The following USP24 variants were observed in gnomAD, a reference collection of about 807,000 sequenced individuals.
The protein encoded by USP24 is ubiquitin specific peptidase 24.
Under a neutral mutation model 361.6 loss-of-function variants are expected in USP24, and 97 were observed. The observed-to-expected ratio is 0.27, with a 90% confidence interval of 0.23 to 0.32. The LOEUF (loss-of-function observed/expected upper bound fraction) is 0.32. Among genes scored for constraint, USP24 ranks in the 10% least tolerant of loss-of-function variants. The pLI is 1.00. For synonymous variants in USP24, 1,098 were observed against 1,124.6 expected, an observed-to-expected ratio of 0.98 and a Z score of 0.47; for missense variants, 2,353 against 3,165.6, an observed-to-expected ratio of 0.74 and a Z score of 6.16.
At chr1:55,139,665 A>G (rs1646833865) in intron 24 of USP24, among the ~76,000 whole-genome samples, 1 of 152,214 alleles carries the variant, frequency 6.6e-6, no homozygotes, top group Non-Finnish European at 1.5e-5. Context: ...AACATTTTCT[A>G]TTCCAGAGAG....
chr1:55,132,948 G>GC (rs1463372694), intron 30 of USP24, among the ~76,000 whole-genome samples: 3 of 152,120 alleles, frequency 2.0e-5, no homozygotes, highest in Non-Finnish European at 2.9e-5. Flanking sequence ...TGTATTCTAA[G>GC]CAACACCTGA....
chr1:55,129,524 G>C lies in USP24; in HGVS notation c.3588C>G (p.Ser1196Arg). Residue 1196 changes from serine to arginine, a missense_variant, in exon 32 of 68, where the codon AGC (serine) becomes AGG (arginine). This residue lies in a region of USP24 where 949 missense variants were observed against 1,280.5 expected (regional missense o/e 0.74). Transcript: ENST00000294383. ...AGTTTTCACAGAAGGATTTGGCACA[G>C]CTTCTGGCCATGTCATCATCAGCTG... ...MPTADDDMAR[S>R]CAKSFCENFL... is the part of the protein sequence containing the mutation. 1 of 1,613,912 alleles carries C rather than the reference G, an allele frequency of 6.2e-7. No homozygotes were observed. The highest frequency in any genetic ancestry group is 1.1e-5 in the South Asian group (1 of 91,070).
intron 12 of USP24, 138 bp from the exon 13 acceptor site, chr1:55,154,916 A>G: frequency 3.3e-6 from 2 of 614,142 alleles, no homozygotes; most frequent in Non-Finnish European, 5.8e-6. Context: ...ATCCACTTGC[A>G]TAATATTGGC....
chr1:55,167,044 T>G (rs1296912900), intron 5 of USP24, among the ~76,000 whole-genome samples: 2 of 152,192 alleles, frequency 1.3e-5, no homozygotes, highest in Non-Finnish European at 2.9e-5. Context: ...CTTTTTCTTT[T>G]CTTTTTGAGC....
intron 61 of USP24, among the ~76,000 whole-genome samples, chr1:55,078,248 C>T (rs1319468029): frequency 1.3e-5 from 2 of 152,208 alleles, no homozygotes; most frequent in Non-Finnish European, 2.9e-5. Context: ...GTGATGACCA[C>T]AGTAGACTCT....
chr1:55,070,194 G>A (rs1054467044), intron 67 of USP24, among the ~76,000 whole-genome samples: 1 of 152,042 alleles, frequency 6.6e-6, no homozygotes, highest in Admixed American at 6.6e-5. Context: ...AGGGAGGAGG[G>A]GCTGGGCACA....
At chr1:55,070,450 G>T (rs1644898634) in intron 67 of USP24, among the ~76,000 whole-genome samples, 1 of 152,204 alleles carries the variant, frequency 6.6e-6, no homozygotes, top group Admixed American at 6.5e-5. Context: ...GAAAGCCCTG[G>T]AATAGTGTTT....
In USP24 at chr1:55,121,272, G is replaced by A. The variant is rs180792199; in HGVS notation, c.4347+164C>T. Among the ~76,000 whole-genome samples, 344 of 152,328 alleles carry A rather than the reference G, an allele frequency of 2.3e-3. 2 individuals carry two copies. The highest frequency in any genetic ancestry group is 3.6e-3 in the Non-Finnish European group (248 of 68,022). On this transcript the variant is annotated intron_variant, in intron 37 of 67. Transcript: ENST00000294383. Reference sequence around the variant, plus strand: ...GGAGGTAGTAGAAGGAAAGGCAGTAGAGTCCAAATGGTTACTTTTCTTTCA... The same window carrying A: ...GGAGGTAGTAGAAGGAAAGGCAGTAAAGTCCAAATGGTTACTTTTCTTTCA...
intron 40 of USP24, among the ~76,000 whole-genome samples, 171 bp downstream of exon 40, chr1:55,107,068 A>G (rs1032087046): frequency 6.6e-6 from 1 of 152,236 alleles, no homozygotes; most frequent in African/African-American, 2.4e-5. Context: ...ACACAGGTAA[A>G]GTACACCTTA....
intron 38 of USP24, among the ~76,000 whole-genome samples, chr1:55,111,269 T>G (rs1318635118): frequency 6.6e-6 from 1 of 151,088 alleles, no homozygotes; most frequent in Admixed American, 6.5e-5. Flanking sequence ...AAGATTCACT[T>G]TGATGTGAAA....
At chr1:55,141,330 T>C (rs1646883179) in intron 24 of USP24, among the ~76,000 whole-genome samples, 1 of 152,044 alleles carries the variant, frequency 6.6e-6, no homozygotes, top group African/African-American at 2.4e-5. Context: ...AAAAGTAAAA[T>C]GAATCAAATA....
chr1:55,168,958 CAAAT>C (rs112279186), intron 5 of USP24, among the ~76,000 whole-genome samples: 6,601 of 151,974 alleles, frequency 0.043, 371 homozygotes, highest in African/African-American at 0.13. Context: ...AATGAACAAA[CAAAT>C]AAGTATACAT....
At chr1:55,095,154 C>T (rs1645467820) in intron 51 of USP24, 101 bp downstream of exon 51, 4 of 1,294,878 alleles carry the variant, frequency 3.1e-6, no homozygotes, top group South Asian at 2.2e-5. Context: ...AATTTCTCTC[C>T]AGCTTAGCTA....
chr1:55,095,607 T>C (rs1479763032), intron 50 of USP24, among the ~76,000 whole-genome samples: 1 of 152,130 alleles, frequency 6.6e-6, no homozygotes, highest in Non-Finnish European at 1.5e-5. Context: ...GATCTCTCAC[T>C]TGGAAGTGAT....
At chr1:55,137,155 C>T (rs917484842) in intron 28 of USP24, among the ~76,000 whole-genome samples, 3 of 152,114 alleles carry the variant, frequency 2.0e-5, no homozygotes, top group African/African-American at 4.8e-5. Context: ...AAGGGGGAAG[C>T]GATCACACGT....
chr1:55,194,381 AT>A (rs1209811182), intron 1 of USP24, among the ~76,000 whole-genome samples: 10 of 152,188 alleles, frequency 6.6e-5, no homozygotes, highest in Non-Finnish European at 1.2e-4. Flanking sequence ...GATTTGCAGG[AT>A]TCCTACACAG....
rs767276807 is a variant in USP24 at position 55,086,224 on chromosome 1, C to T, written c.6669-186G>A. On this transcript the variant is annotated intron_variant, in intron 55 of 67. Coordinates refer to ENST00000294383, the MANE Select transcript of USP24 (RefSeq NM_015306.3). ...CTGCTTATTCCTGCTAACTGTAATG[C>T]CACATACCAGCCAAGGCTCTGTTCA... 409 of 605,090 alleles carry T rather than the reference C, an allele frequency of 6.8e-4. 1 individual carries two copies. Among genetic ancestry groups the T allele is most frequent in the Non-Finnish European group, 1.0e-3 (343 of 341,816 alleles). 37.5% of individuals were successfully genotyped at this position (605,090 alleles called of 1,614,324 possible).
At chr1:55,072,534 C>T in intron 65 of USP24, 131 bp from the exon 66 acceptor site, 1 of 798,176 alleles carries the variant, frequency 1.3e-6, no homozygotes, top group Non-Finnish European at 2.0e-6. Context: ...CCTTCCATCA[C>T]ATAAAGCGAT....
At chr1:55,086,110 C>A in intron 55 of USP24, 72 bp from the exon 56 acceptor site, 2 of 1,415,680 alleles carry the variant, frequency 1.4e-6, no homozygotes, top group South Asian at 2.3e-5. Flanking sequence ...CATGATAGGT[C>A]CCATCTAATA....
Sources: gnomAD v4.1 joint callset for allele counts (sites outside exome capture counted in the v4.1 genomes callset) on GRCh38, gnomAD v4.1.1 for gene constraint, gnomAD v4.1.1 regional missense constraint, MANE v1.5 for transcripts, NCBI Gene and HGNC (gene_info 2026-07-23, HGNC 2026-07-21) for gene names.